PTPRM: variants seen among roughly 807,000 people sequenced by gnomAD.
The protein encoded by PTPRM is protein tyrosine phosphatase receptor type M, also known as receptor-type tyrosine-protein phosphatase mu.
A neutral mutation model predicts 186.7 loss-of-function variants in PTPRM; 47 were observed. That is an observed-to-expected ratio of 0.25 (90% CI 0.20 to 0.32). PTPRM has a LOEUF of 0.32. Ranked by LOEUF, PTPRM falls within the 10% of genes least tolerant of loss-of-function variation. PTPRM has a pLI of 1.00. For missense variants in PTPRM, 1,494 were observed against 1,865.0 expected (o/e 0.80, Z 3.66); for synonymous variants, 668 against 674.9 (o/e 0.99, Z 0.16).
At chr18:7,761,453 G>T (rs148684810) in intron 1 of PTPRM, among the ~76,000 whole-genome samples, 214 of 152,236 alleles carry the variant, frequency 1.4e-3, no homozygotes, top group African/African-American at 4.9e-3. Flanking sequence ...CATAAAGTCC[G>T]TGTGCTTTTT....
chr18:8,241,432 A>G (rs983091992), intron 14 of PTPRM, among the ~76,000 whole-genome samples: 2 of 152,222 alleles, frequency 1.3e-5, no homozygotes, highest in Non-Finnish European at 2.9e-5. Flanking sequence ...CAATACAATG[A>G]CATTTCCAAA....
intron 2 of PTPRM, among the ~76,000 whole-genome samples, chr18:7,816,381 A>T (rs1046508578): frequency 1.3e-5 from 2 of 152,202 alleles, no homozygotes; most frequent in African/African-American, 2.4e-5. Context: ...TAAATAATAT[A>T]CTTCCCTCAT....
intron 22 of PTPRM, among the ~76,000 whole-genome samples, chr18:8,330,265 A>T (rs1310640904): frequency 6.6e-6 from 1 of 152,122 alleles, no homozygotes; most frequent in East Asian, 1.9e-4. Context: ...AAGGCAGCAA[A>T]CAGTTTAGGA....
At chr18:8,378,680 C>T (rs1289444952) in intron 27 of PTPRM, among the ~76,000 whole-genome samples, 2 of 152,212 alleles carry the variant, frequency 1.3e-5, no homozygotes, top group East Asian at 3.9e-4. Flanking sequence ...ACCATTTCCA[C>T]TCCTTCCCTC....
chr18:7,816,654 C>G (rs1217666559), intron 2 of PTPRM, among the ~76,000 whole-genome samples: 1 of 152,108 alleles, frequency 6.6e-6, no homozygotes, highest in East Asian at 1.9e-4. Flanking sequence ...TCTACATCCT[C>G]CATTGAATTT....
intron 11 of PTPRM, among the ~76,000 whole-genome samples, chr18:8,109,016 GC>G (rs974861022): frequency 6.6e-6 from 1 of 152,058 alleles, no homozygotes; most frequent in African/African-American, 2.4e-5. Flanking sequence ...TCAGAAATTT[GC>G]TTTTTAAAAC....
intron 19 of PTPRM, among the ~76,000 whole-genome samples, chr18:8,295,703 A>G (rs2147874979): frequency 6.6e-6 from 1 of 152,364 alleles, no homozygotes; most frequent in South Asian, 2.1e-4. Context: ...GTGGAAATAA[A>G]GACACACATT....
At chr18:7,925,288 C>T (rs1399615812) in intron 4 of PTPRM, among the ~76,000 whole-genome samples, 2 of 152,180 alleles carry the variant, frequency 1.3e-5, no homozygotes, top group East Asian at 1.9e-4. Context: ...AACAATGGTC[C>T]ATGGTTATAT....
chr18:8,044,273 G>T lies in PTPRM; in HGVS notation c.1133-25413G>T, dbSNP rs2086876453. On this transcript the variant is annotated intron_variant, in intron 7 of 32. Coordinates refer to ENST00000580170, the MANE Select transcript of PTPRM (RefSeq NM_001105244.2). ...GAGAAAAATGATTCATTGAATAGAT[G>T]ACATTTGAAAAGGGAACCGAAGATA... Among the ~76,000 whole-genome samples the T allele has an allele frequency of 2.6e-5, 4 of 152,282 alleles. 1 individual carries two copies. In the Middle Eastern group the frequency reaches 0.01, roughly 388 times the overall value.
At chr18:7,632,587 G>A (rs554371758) in intron 1 of PTPRM, among the ~76,000 whole-genome samples, 1 of 152,132 alleles carries the variant, frequency 6.6e-6, no homozygotes, top group Non-Finnish European at 1.5e-5. Flanking sequence ...AGTTGGGGCG[G>A]CTGAAAAAGG....
chr18:7,940,365 T>C (rs1434395072), intron 5 of PTPRM, among the ~76,000 whole-genome samples: 2 of 152,096 alleles, frequency 1.3e-5, no homozygotes, highest in Non-Finnish European at 2.9e-5. Flanking sequence ...TTATGCAGCA[T>C]GTTAGGAAGG....
intron 7 of PTPRM, among the ~76,000 whole-genome samples, chr18:8,033,969 C>T (rs998189910): frequency 1.7e-4 from 26 of 152,238 alleles, no homozygotes; most frequent in African/African-American, 6.3e-4. Context: ...CGTGCTGGTT[C>T]ATTGGTTTCA....
intron 7 of PTPRM, among the ~76,000 whole-genome samples, chr18:7,982,666 T>G (rs1326533071): frequency 6.6e-6 from 1 of 152,186 alleles, no homozygotes; most frequent in Non-Finnish European, 1.5e-5. Context: ...TTGACTTTTA[T>G]ATGACTGGCA....
At chr18:7,947,209 C>T (rs900767224) in intron 5 of PTPRM, among the ~76,000 whole-genome samples, 11 of 152,168 alleles carry the variant, frequency 7.2e-5, no homozygotes, top group African/African-American at 2.7e-4. Context: ...GGCGCTTGGG[C>T]GGGGCTGCAT....
intron 14 of PTPRM, among the ~76,000 whole-genome samples, chr18:8,162,094 GT>G (rs1311212603): frequency 7.3e-5 from 11 of 150,636 alleles, no homozygotes; most frequent in South Asian, 4.2e-4. Context: ...ATTTTGTGGG[GT>G]TTTTTTCTTT....
rs566105703 is a variant in PTPRM, at chr18:7,685,429, A to G, written c.74-88720A>G. Among the ~76,000 whole-genome samples the G allele has an allele frequency of 1.3e-4, 20 of 152,338 alleles. No individual in the cohort carries two copies. The South Asian group carries it at 3.9e-3, about 30-fold the overall frequency. On this transcript the variant is annotated intron_variant, in intron 1 of 32. Transcript: ENST00000580170. The stretch of plus-strand genomic sequence containing the variant: ...ATAGTAAACGTATTAGAAAAGGAGC[A>G]ATTACTGTTCTAGCTTTGTAGAACT...
chr18:7,749,859 C>G (rs1452827660), intron 1 of PTPRM, among the ~76,000 whole-genome samples: 2 of 152,192 alleles, frequency 1.3e-5, no homozygotes, highest in Non-Finnish European at 2.9e-5. Context: ...TTATCTGCCT[C>G]CCAAGGCCAG....
intron 1 of PTPRM, among the ~76,000 whole-genome samples, chr18:7,670,686 G>A (rs770453701): frequency 9.2e-5 from 14 of 152,094 alleles, no homozygotes; most frequent in Non-Finnish European, 1.5e-4. Flanking sequence ...ATATACTGTC[G>A]CTCTTTTGTA....
intron 29 of PTPRM, 146 bp from the exon 30 acceptor site, chr18:8,384,415 A>G: frequency 1.1e-6 from 1 of 874,834 alleles, no homozygotes; most frequent in Non-Finnish European, 1.7e-6. Context: ...CCATGATCGC[A>G]CCACTGCACT....
Sources: gnomAD v4.1 joint callset for allele counts (sites outside exome capture counted in the v4.1 genomes callset) on GRCh38, gnomAD v4.1.1 for gene constraint, MANE v1.5 for transcripts, NCBI Gene and HGNC (gene_info 2026-07-23, HGNC 2026-07-21) for gene names.